Variants in RANBP17 observed in about 807,000 individuals in gnomAD.
The protein encoded by RANBP17 is ran-binding protein 17.
RANBP17 carries 158 observed loss-of-function variants against 141.2 expected under a neutral mutation model. The ratio of observed to expected loss-of-function variants is 1.12; its 90% CI spans 0.98 to 1.28. RANBP17 has a LOEUF of 1.28. Among genes scored for constraint, RANBP17 ranks in the 50% most tolerant of loss-of-function variants. RANBP17 has a pLI of 0.00. For missense variants in RANBP17, 1,438 were observed against 1,290.7 expected (o/e 1.11, Z -1.75); for synonymous variants, 430 against 450.0 (o/e 0.96, Z 0.56).
At chr5:170,894,362 A>T (rs1186951897) in intron 4 of RANBP17, among the ~76,000 whole-genome samples, 1 of 151,978 alleles carries the variant, frequency 6.6e-6, no homozygotes, top group East Asian at 1.9e-4. Flanking sequence ...GTGGCCAGTA[A>T]GCTCAACTTA....
At chr5:171,087,417 G>T (rs1785755094) in intron 14 of RANBP17, among the ~76,000 whole-genome samples, 2 of 152,116 alleles carry the variant, frequency 1.3e-5, no homozygotes, top group Admixed American at 6.5e-5. Flanking sequence ...GTGTGGTGTG[G>T]TGCTGAAAAA....
chr5:170,902,965 G>A (rs1386556919), intron 5 of RANBP17, among the ~76,000 whole-genome samples: 1 of 152,166 alleles, frequency 6.6e-6, no homozygotes, highest in African/African-American at 2.4e-5. Context: ...GTTGACGCCT[G>A]CTGGGAGATG....
At chr5:171,099,585 A>T (rs1158610056) in intron 14 of RANBP17, among the ~76,000 whole-genome samples, 1 of 151,996 alleles carries the variant, frequency 6.6e-6, no homozygotes, top group African/African-American at 2.4e-5. Context: ...CTATTTGAAT[A>T]CCCCTTATTT....
In RANBP17 at chr5:171,139,722, G is replaced by C. The variant is rs114204079; in HGVS notation, c.1711-30408G>C. ...GGATATTACATTATACTCCTAACTT[G>C]AATCCTGACTCTTTTCTCACCTTCG... is the stretch of plus-strand genomic sequence containing the variant. On this transcript the variant is annotated intron_variant, in intron 14 of 27. Transcript: ENST00000523189. Among the ~76,000 whole-genome samples the C allele has an allele frequency of 3.6e-3, 544 of 152,202 alleles. 1 individual carries two copies. The highest frequency in any genetic ancestry group is 0.012 in the African/African-American group (518 of 41,526).
intron 25 of RANBP17, among the ~76,000 whole-genome samples, chr5:171,276,790 C>G (rs1005031529): frequency 6.6e-5 from 10 of 152,022 alleles, no homozygotes; most frequent in Admixed American, 2.6e-4. Context: ...ATTAGGCATG[C>G]TTTATAACAG....
intron 5 of RANBP17, among the ~76,000 whole-genome samples, chr5:170,899,348 T>C (rs1484231956): frequency 6.6e-6 from 1 of 152,212 alleles, no homozygotes; most frequent in East Asian, 1.9e-4. Flanking sequence ...GGAATGCTTG[T>C]GATTTTTGCA....
At chr5:170,880,214 T>G (rs1768542607) in intron 2 of RANBP17, among the ~76,000 whole-genome samples, 1 of 152,210 alleles carries the variant, frequency 6.6e-6, no homozygotes, top group Admixed American at 6.5e-5. Flanking sequence ...CAGCATTGAC[T>G]TCTAGAATAA....
intron 22 of RANBP17, among the ~76,000 whole-genome samples, chr5:171,229,823 T>C (rs1359002602): frequency 1.3e-5 from 2 of 149,232 alleles, no homozygotes; most frequent in South Asian, 2.1e-4. Flanking sequence ...CCCAGCACTT[T>C]GGGAGGCCAG....
intron 14 of RANBP17, among the ~76,000 whole-genome samples, chr5:171,073,505 A>C (rs1784744371): frequency 6.6e-6 from 1 of 152,168 alleles, no homozygotes; most frequent in African/African-American, 2.4e-5. Flanking sequence ...ACAAGTAAAC[A>C]ACAGGGAAAC....
chr5:171,259,256 T>C (rs1403856111), intron 24 of RANBP17, among the ~76,000 whole-genome samples: 1 of 152,212 alleles, frequency 6.6e-6, no homozygotes, highest in Non-Finnish European at 1.5e-5. Flanking sequence ...AGGAAACTCG[T>C]ACACTGTTGG....
In RANBP17 at chr5:171,037,700, G is replaced by A. The variant is rs554688030; in HGVS notation, c.1710+69323G>A. Among the ~76,000 whole-genome samples, 5 of 152,214 alleles carry A rather than the reference G, an allele frequency of 3.3e-5. No individual in the cohort carries two copies. In the East Asian group the frequency reaches 9.6e-4, roughly 29 times the overall value. The stretch of plus-strand genomic sequence containing the variant: ...AGTCCTTTCCCGATTGCTTAGTTTT[G>A]TTGACCTTGTTGAAGATCAGATGTC... On this transcript the variant is annotated intron_variant, in intron 14 of 27. Coordinates refer to ENST00000523189, the MANE Select transcript of RANBP17 (RefSeq NM_022897.5).
chr5:171,012,078 T>TTTAAACAAATATA lies in RANBP17; in HGVS notation c.1710+43703_1710+43704insAAACAAATATATT, dbSNP rs1561986210. Among the ~76,000 whole-genome samples the TTTAAACAAATATA allele has an allele frequency of 6.3e-3, 166 of 26,206 alleles. 1 individual carries two copies. The highest frequency in any genetic ancestry group is 0.017 in the Non-Finnish European group (119 of 7,144). 17.2% of individuals were successfully genotyped at this position (26,206 alleles called of 152,430 possible). ...ATTATTTGTTTAAACGAATATATTG[T>TTTAAACAAATATA]TTGTTTATTTGTTTAAACAAATAAT... On this transcript the variant is annotated intron_variant, in intron 14 of 27. Transcript: ENST00000523189.
intron 22 of RANBP17, among the ~76,000 whole-genome samples, chr5:171,235,315 C>T (rs992454471): frequency 3.4e-5 from 5 of 145,360 alleles, no homozygotes; most frequent in Non-Finnish European, 7.5e-5. Context: ...GAAGTTTTTG[C>T]ATGTGTCTTT....
intron 18 of RANBP17, 74 bp from the exon 19 acceptor site, chr5:171,199,596 A>C (rs1171654535): frequency 1.2e-6 from 1 of 834,364 alleles, no homozygotes; most frequent in Non-Finnish European, 1.9e-6. Flanking sequence ...AGCCTAAATG[A>C]AGCACTCAAT....
intron 12 of RANBP17, among the ~76,000 whole-genome samples, chr5:170,949,925 AG>A (rs1775072059): frequency 6.6e-6 from 1 of 152,208 alleles, no homozygotes; most frequent in African/African-American, 2.4e-5. Flanking sequence ...GGAACAGAAT[AG>A]AAAACCCATA....
intron 14 of RANBP17, among the ~76,000 whole-genome samples, chr5:171,038,908 G>A (rs931677443): frequency 1.6e-4 from 25 of 151,994 alleles, no homozygotes; most frequent in African/African-American, 6.0e-4. Flanking sequence ...CATGGGTATT[G>A]ACTTGTAGTT....
intron 14 of RANBP17, among the ~76,000 whole-genome samples, chr5:171,111,687 C>T (rs1396397762): frequency 1.3e-5 from 2 of 152,224 alleles, no homozygotes; most frequent in African/African-American, 4.8e-5. Context: ...TCCTTCACTA[C>T]TTTTGGGCCC....
chr5:171,223,710 A>G (rs1763710766), intron 22 of RANBP17, among the ~76,000 whole-genome samples: 1 of 152,232 alleles, frequency 6.6e-6, no homozygotes, highest in African/African-American at 2.4e-5. Flanking sequence ...AACCCCTTTA[A>G]AAAATTTTCT....
chr5:171,271,390 C>T (rs1487207856), intron 25 of RANBP17: 3 of 210,996 alleles, frequency 1.4e-5, no homozygotes, highest in Admixed American at 1.2e-4. Flanking sequence ...ATCTTTCATA[C>T]TTAAGATTCC....
Sources: allele counts gnomAD v4.1 joint callset (sites outside exome capture counted in the v4.1 genomes callset), GRCh38; gene constraint gnomAD v4.1.1; transcripts MANE v1.5; gene names NCBI Gene and HGNC (gene_info 2026-07-23, HGNC 2026-07-21).